The following NCAPD3 variants were observed in gnomAD, a reference collection of about 807,000 sequenced individuals.
NCAPD3 encodes the protein non-SMC condensin II complex subunit D3.
Under a neutral mutation model 182.9 loss-of-function variants are expected in NCAPD3, and 105 were observed. The ratio of observed to expected loss-of-function variants is 0.57; its 90% confidence interval spans 0.49 to 0.68. The LOEUF is 0.68. NCAPD3 is among the 30% of genes least tolerant of loss of function. The pLI is 0.00. For synonymous variants in NCAPD3, 815 were observed against 679.9 expected, an observed-to-expected ratio of 1.20 and a Z score of -3.09; for missense variants, 1,944 against 1,837.0, an observed-to-expected ratio of 1.06 and a Z score of -1.07.
intron 32 of NCAPD3, 43 bp downstream of exon 32, chr11:134,156,975 G>A (rs1384201633): frequency 6.6e-7 from 1 of 1,512,076 alleles, no homozygotes; most frequent in East Asian, 2.3e-5. Flanking sequence ...ACGAATGCAG[G>A]AGAGACTGAG....
At chr11:134,153,468 A>T (rs1487760743) in intron 32 of NCAPD3, 105 bp from the exon 33 acceptor site, 2 of 1,201,596 alleles carry the variant, frequency 1.7e-6, no homozygotes, top group South Asian at 2.4e-5. Context: ...TCAGTGTCCC[A>T]GCGGCGGCCC....
At chr11:134,153,465 C>G (rs551492870) in intron 32 of NCAPD3, 102 bp from the exon 33 acceptor site, 88 of 1,233,702 alleles carry the variant, frequency 7.1e-5, no homozygotes, top group Non-Finnish European at 1.1e-4. Flanking sequence ...ACATCAGTGT[C>G]CCAGCGGCGG....
intron 14 of NCAPD3, 43 bp from the exon 15 acceptor site, chr11:134,194,193 T>C (rs768025792): frequency 1.9e-6 from 3 of 1,587,008 alleles, no homozygotes; most frequent in Non-Finnish European, 8.6e-7. Flanking sequence ...CTGCATAGCA[T>C]CAACTCACAA....
chr11:134,182,951 C>G (rs1189122001), intron 19 of NCAPD3: 1 of 332,284 alleles, frequency 3.0e-6, no homozygotes, highest in African/African-American at 2.2e-5. Flanking sequence ...CAGATTAAAA[C>G]CGTGGCGGTC....
At chr11:134,217,156 A>G (rs1325190801) in intron 2 of NCAPD3, 58 bp from the exon 3 acceptor site, 3 of 1,435,434 alleles carry the variant, frequency 2.1e-6, no homozygotes, top group Admixed American at 5.1e-5. Flanking sequence ...AACATTTCCT[A>G]TTATTTGATT....
rs73042036 is a variant in NCAPD3, at chr11:134,195,994, T to C, written c.1616-1256A>G. On this transcript the variant is annotated intron_variant, in intron 13 of 34. Transcript: ENST00000534548. ...ACACACTTTGGGAACTGCTTATATA[T>C]AAGAAGGCAGCTTAAAAAATAAAAG... is the stretch of plus-strand genomic sequence containing the variant. Among the ~76,000 whole-genome samples, 891 of 152,100 alleles carry C rather than the reference T, an allele frequency of 5.9e-3. 2 individuals carry two copies. The highest frequency in any genetic ancestry group is 0.01 in the Middle Eastern group (3 of 294).
At chr11:134,225,084 G>C (rs907648050), upstream of NCAPD3, 1 of 1,554,342 alleles carries the variant, frequency 6.4e-7, no homozygotes, top group South Asian at 1.2e-5. Flanking sequence ...CGGTGCGAGG[G>C]AGCGGTCCTT....
chr11:134,224,438 G>A (rs142312847), upstream of NCAPD3: 45 of 170,056 alleles, frequency 2.6e-4, 1 homozygote, highest in South Asian at 2.8e-3. Context: ...ACTCCGAGAA[G>A]ACAAGACAAC....
intron 32 of NCAPD3, among the ~76,000 whole-genome samples, chr11:134,154,743 A>G (rs1244695523): frequency 6.6e-6 from 1 of 152,202 alleles, no homozygotes; most frequent in Non-Finnish European, 1.5e-5. Flanking sequence ...AGCACATGCG[A>G]GGAGGCAGCT....
intron 7 of NCAPD3, 96 bp from the exon 8 acceptor site, chr11:134,206,828 C>T (rs1021432847): frequency 7.5e-6 from 10 of 1,334,728 alleles, no homozygotes; most frequent in Non-Finnish European, 9.1e-6. Flanking sequence ...TTCAAGCCAT[C>T]TGAAGGTAGG....
intron 1 of NCAPD3, among the ~76,000 whole-genome samples, chr11:134,221,577 T>A (rs973986497): frequency 6.6e-6 from 1 of 152,188 alleles, no homozygotes; most frequent in African/African-American, 2.4e-5. Flanking sequence ...TTCTTCAGTG[T>A]TGTCATTGTC....
chr11:134,184,846 CACA>C (rs1944369233), intron 18 of NCAPD3, 54 bp downstream of exon 18: 16 of 1,324,796 alleles, frequency 1.2e-5, no homozygotes, highest in African/African-American at 3.2e-5. Flanking sequence ...CACACACACA[CACA>C]CCTGAAATGA....
chr11:134,152,504 C>CACTT lies in NCAPD3; in HGVS notation c.*436_*439dup, dbSNP rs57678720. On this transcript the variant is annotated 3_prime_UTR_variant, in exon 35 of 35. Transcript: ENST00000534548. ...GCTGTACACTTTTTTAAAAAATTTGCACTTATAAATAATAGAAAAAATATT... is the reference window on the plus strand; with the variant it reads ...GCTGTACACTTTTTTAAAAAATTTGCACTTACTTATAAATAATAGAAAAAATATT... The CACTT allele has an allele frequency of 7.7e-3, 1,176 of 153,292 alleles. 6 individuals are homozygous for CACTT. The highest frequency in any genetic ancestry group is 0.011 in the Non-Finnish European group (744 of 68,846). 9.5% of individuals were successfully genotyped at this position (153,292 alleles called of 1,614,324 possible).
chr11:134,220,888 A>G (rs1352933729), intron 1 of NCAPD3, among the ~76,000 whole-genome samples, 162 bp from the exon 2 acceptor site: 1 of 152,266 alleles, frequency 6.6e-6, no homozygotes, highest in Non-Finnish European at 1.5e-5. Context: ...AGAAAACCAG[A>G]AAAGGTTAAG....
Position 134,178,700 on chromosome 11 carries a change from G to A in NCAPD3, c.2716C>T (p.Pro906Ser), listed in dbSNP as rs1212565430. The A allele has an allele frequency of 1.2e-6, 2 of 1,601,962 alleles. No homozygotes were observed. The highest frequency in any genetic ancestry group is 1.7e-5 in the Admixed American group (1 of 59,306). The change falls in exon 22 of 35, where the codon CCA becomes TCA. Residue 906 changes from proline to serine, a missense_variant. By Grantham distance (74) the Pro-to-Ser change is moderately conservative. This residue lies in a region of NCAPD3 where 1,803 missense variants were observed against 1,674.6 expected (regional missense o/e 1.08). Coordinates refer to ENST00000534548, the MANE Select transcript of NCAPD3 (RefSeq NM_015261.3). ...QGSSEAPASQ[P>S]PPQVRGSVMP... The stretch of plus-strand genomic sequence containing the variant: ...ACAGAACCTCTGACCTGGGGGGGTG[G>A]CTGAGACGCTGGGGCCTCACTGCTG...
chr11:134,151,599 A>C lies in NCAPD3; in HGVS notation c.*1345T>G, dbSNP rs1385243239. On this transcript the variant is annotated 3_prime_UTR_variant, in exon 35 of 35. Transcript: ENST00000534548. ...CGGAAAAGGAATACTCGTGTATTTT[A>C]AGATATGAATGTGACTCAAGACTCG... 2.6e-5 allele frequency: 4 copies of C among 152,210 alleles called. No individual in the cohort carries two copies. The highest frequency in any genetic ancestry group is 9.7e-5 in the African/African-American group (4 of 41,446). The allele number at this position is 152,210 out of a possible 1,614,324, so 9.4% of individuals were successfully genotyped here. A position where few individuals can be genotyped will look rare whatever the true frequency, so the allele number is the denominator to read the frequency against.
In NCAPD3 at chr11:134,204,895, G is replaced by C; in HGVS notation, c.1089+4C>G. 1 of 1,605,228 alleles carries C rather than the reference G, an allele frequency of 6.2e-7. No individual in the cohort carries two copies. The highest frequency in any genetic ancestry group is 8.5e-7 in the Non-Finnish European group (1 of 1,172,266). On this transcript the variant is annotated splice_donor_region_variant and intron_variant, in intron 9 of 34. Transcript: ENST00000534548. This position sits in a 1 kb window ranked among gnomAD's most constrained non-coding sequence, Gnocchi z 4.3. ...GTTATTAATATTACTAAGGCAAACA[G>C]TACCTTGGCACAGATGTGCTGCAGT...
chr11:134,157,594 T>C (rs1181243561), intron 31 of NCAPD3, among the ~76,000 whole-genome samples: 4 of 152,182 alleles, frequency 2.6e-5, no homozygotes, highest in African/African-American at 9.7e-5. Context: ...ATCTACTACA[T>C]CTGACTTAAG....
chr11:134,213,891 T>C (rs1415220390), intron 3 of NCAPD3, among the ~76,000 whole-genome samples: 1 of 152,106 alleles, frequency 6.6e-6, no homozygotes, highest in Non-Finnish European at 1.5e-5. Flanking sequence ...CAATCATAAA[T>C]ACATCTGTAT....
Sources: allele counts gnomAD v4.1 joint callset (sites outside exome capture counted in the v4.1 genomes callset), GRCh38; gene constraint gnomAD v4.1.1; regional missense constraint gnomAD v4.1.1; non-coding constraint Gnocchi (gnomAD v3.1); transcripts MANE v1.5; gene names NCBI Gene and HGNC (gene_info 2026-07-23, HGNC 2026-07-21).